Variants in TTLL8 observed in about 807,000 individuals in gnomAD.
TTLL8 encodes tubulin tyrosine ligase like 8.
A neutral mutation model predicts 77.8 loss-of-function variants in TTLL8; 65 were observed. That is an observed-to-expected ratio of 0.84 (90% CI 0.68 to 1.03). TTLL8 has a LOEUF of 1.03. TTLL8 is among the 50% of genes least tolerant of loss of function. The pLI is 0.00. For synonymous variants in TTLL8, 402 were observed against 422.8 expected, an observed-to-expected ratio of 0.95 and a Z score of 0.60; for missense variants, 910 against 1,004.5, an observed-to-expected ratio of 0.91 and a Z score of 1.27.
upstream of TTLL8, chr22:50,056,686 C>A (rs951327608): frequency 1.5e-5 from 14 of 910,024 alleles, no homozygotes; most frequent in Non-Finnish European, 1.6e-5. This position sits in a 1 kb window ranked among gnomAD's most constrained non-coding sequence, Gnocchi z 4.1. Context: ...GAGCCAGCGC[C>A]CCCCAACACC....
intron 1 of TTLL8, among the ~76,000 whole-genome samples, chr22:50,054,286 G>A (rs1276079008): frequency 6.6e-6 from 1 of 152,162 alleles, no homozygotes; most frequent in Non-Finnish European, 1.5e-5. Flanking sequence ...CAGACCTGGA[G>A]CCCTCAGCTC....
Position 50,041,471 on chromosome 22 carries a change from C to T in TTLL8, c.830+150G>A, listed in dbSNP as rs999802604. On this transcript the variant is annotated intron_variant, in intron 7 of 13. Transcript: ENST00000266182. This position sits in a 1 kb window ranked among gnomAD's most constrained non-coding sequence, Gnocchi z 4.3. ...CCAGACATCCAGACAGGAGCCCCAA[C>T]GCCAGGACAGGCATCTCAACACTCA... 1.9e-4 allele frequency: 223 copies of T among 1,194,826 alleles called. No homozygotes were observed. Among genetic ancestry groups the T allele is most frequent in the Non-Finnish European group, 2.3e-4 (211 of 936,576 alleles). The allele number at this position is 1,194,826 out of a possible 1,614,324, so 74.0% of individuals were successfully genotyped here.
chr22:50,043,259 GC>G (rs2061384124), intron 6 of TTLL8, among the ~76,000 whole-genome samples: 1 of 150,772 alleles, frequency 6.6e-6, no homozygotes. Flanking sequence ...AAACAGTGGT[GC>G]CGAGACGTCC....
At position 50,047,163 on chromosome 22, in the gene TTLL8, C is replaced by G. The variant is rs2061417686; in HGVS notation, c.393+5G>C. On this transcript the variant is annotated splice_donor_5th_base_variant and intron_variant, in intron 4 of 13. Coordinates refer to ENST00000266182, the Ensembl canonical transcript of TTLL8. ...TCCCGCCACGCTCAAGCGCGGCCGG[C>G]TCACCTTGGTGGTGAAGGAGGCTGT... 7.3e-7 allele frequency: 1 copy of G among 1,367,228 alleles called. No homozygotes were observed. Among genetic ancestry groups the G allele is most frequent in the Non-Finnish European group, 9.8e-7 (1 of 1,021,654 alleles). 84.7% of individuals were successfully genotyped at this position (1,367,228 alleles called of 1,614,324 possible). A position where few individuals can be genotyped will look rare whatever the true frequency, so the allele number is the denominator to read the frequency against.
chr22:50,021,041 G>GACA (rs1384163860), intron 12 of TTLL8, among the ~76,000 whole-genome samples: 1 of 94,658 alleles, frequency 1.1e-5, no homozygotes, highest in African/African-American at 3.6e-5. Flanking sequence ...TCCTCCATCT[G>GACA]ATGTGCACTC....
At chr22:50,033,860 C>T (rs1279985363) in intron 9 of TTLL8, among the ~76,000 whole-genome samples, 2 of 152,284 alleles carry the variant, frequency 1.3e-5, no homozygotes, top group Middle Eastern at 3.4e-3. Flanking sequence ...CATGGTGAAA[C>T]TCCATCTCTA....
chr22:50,035,086 T>A (rs1362507249), intron 8 of TTLL8, among the ~76,000 whole-genome samples: 3 of 151,964 alleles, frequency 2.0e-5, no homozygotes, highest in African/African-American at 7.3e-5. Flanking sequence ...CTTTTAGAGT[T>A]CGGGGGTGCA....
At chr22:50,058,106 C>A (rs2061496308), upstream of TTLL8, among the ~76,000 whole-genome samples, 1 of 151,636 alleles carries the variant, frequency 6.6e-6, no homozygotes, top group Non-Finnish European at 1.5e-5. The surrounding 1 kb of genome is among the most constrained non-coding windows in gnomAD (Gnocchi z 4.2). Flanking sequence ...TGTCCGGGAT[C>A]GGAAGCGCGG....
chr22:50,045,890 G>A (rs749817317), exon 5 of TTLL8: 2 of 1,359,716 alleles, frequency 1.5e-6, no homozygotes, highest in Admixed American at 1.9e-5. Context: ...CGGTGCAGAG[G>A]CTGTAGCAGC....
At chr22:50,035,683 G>A (rs2061331190) in intron 8 of TTLL8, among the ~76,000 whole-genome samples, 1 of 152,224 alleles carries the variant, frequency 6.6e-6, no homozygotes, top group Non-Finnish European at 1.5e-5. Flanking sequence ...GCACAGGTCA[G>A]TCCCCAACTA....
intron 5 of TTLL8, 36 bp downstream of exon 7, chr22:50,045,820 G>A (rs1160697381): frequency 7.7e-7 from 1 of 1,306,570 alleles, no homozygotes; most frequent in South Asian, 1.2e-5. Context: ...CCTCTCTGCT[G>A]ACAGCACTGG....
At position 50,044,615 on chromosome 22, in the gene TTLL8, A is replaced by G. The variant is rs1192328062; in HGVS notation, c.643+640T>C. Among the ~76,000 whole-genome samples the G allele has an allele frequency of 6.6e-6, 1 of 152,130 alleles. No individual in the cohort carries two copies. The highest frequency in any genetic ancestry group is 6.5e-5 in the Admixed American group (1 of 15,278). On this transcript the variant is annotated intron_variant, in intron 6 of 13. Coordinates refer to ENST00000266182, the Ensembl canonical transcript of TTLL8. This position sits in a 1 kb window ranked among gnomAD's most constrained non-coding sequence, Gnocchi z 4.2. ...ATCACCGTTTGCTCAAATACACTCT[A>G]AAAGTTTAATGCGCCAATGTTCATC...
At chr22:50,030,858 G>A in exon 12 of TTLL8, 1 of 1,335,988 alleles carries the variant, frequency 7.5e-7, no homozygotes, top group Non-Finnish European at 9.9e-7. Context: ...CTGCCTCCTG[G>A]CTCTCCTCAC....
At chr22:50,028,596 A>G (rs2061247652) in intron 12 of TTLL8, among the ~76,000 whole-genome samples, 1 of 145,374 alleles carries the variant, frequency 6.9e-6, no homozygotes, top group Admixed American at 6.9e-5. Flanking sequence ...TGCCCTCGTA[A>G]AGACCCCCAT....
At chr22:50,056,943 T>G (rs1347251420), upstream of TTLL8, 2 of 1,289,586 alleles carry the variant, frequency 1.6e-6, no homozygotes, top group Admixed American at 2.3e-5. The surrounding 1 kb of genome is among the most constrained non-coding windows in gnomAD (Gnocchi z 4.1). Flanking sequence ...CATACTGGCC[T>G]CCGACAGCTT....
At chr22:50,036,514 G>A (rs1010282) in intron 8 of TTLL8, among the ~76,000 whole-genome samples, 30,817 of 151,956 alleles carry the variant, frequency 0.2, 3,322 homozygotes, top group Admixed American at 0.32. Context: ...GACTATCACT[G>A]CAGACAGGGC....
Position 50,044,188 on chromosome 22 carries a change from T to A in TTLL8, c.643+1067A>T, listed in dbSNP as rs946392110. 2.0e-5 allele frequency among the ~76,000 whole-genome samples: 3 copies of A among 151,890 alleles called. No homozygotes were observed. Among genetic ancestry groups the A allele is most frequent in the Non-Finnish European group, 4.4e-5 (3 of 67,980 alleles). On this transcript the variant is annotated intron_variant, in intron 6 of 13. Transcript: ENST00000266182. The surrounding 1 kb of genome is among the most constrained non-coding windows in gnomAD (Gnocchi z 4.2). ...AAAAATACAAAACATTAGCCGGGCG[T>A]GGTGGTGGGCACCCAACTACTCGGG...
Position 50,041,771 on chromosome 22 carries a change from G to C in TTLL8, c.680C>G (p.Pro227Arg). 1 of 1,364,136 alleles carries C rather than the reference G, an allele frequency of 7.3e-7. No homozygotes were observed. The highest frequency in any genetic ancestry group is 9.8e-7 in the Non-Finnish European group (1 of 1,020,642). The allele number at this position is 1,364,136 out of a possible 1,614,324, so 84.5% of individuals were successfully genotyped here. A position where few individuals can be genotyped will look rare whatever the true frequency, so the allele number is the denominator to read the frequency against. Residue 227 changes from proline (P) to arginine (R), a missense_variant, in exon 7 of 14, where the codon CCG becomes CGG. Around this residue, in one of 2 missense-constraint regions of TTLL8, gnomAD observed 776 missense variants for 926.1 expected, o/e 0.84. Transcript: ENST00000266182. The surrounding 1 kb of genome is among the most constrained non-coding windows in gnomAD (Gnocchi z 4.3). ...GCACGCGATGTCCACAAGCTGCCCCGGGAGGCCCCTGAGCTTTGCCTCAGC... is the reference window on the plus strand; with the variant it reads ...GCACGCGATGTCCACAAGCTGCCCCCGGAGGCCCCTGAGCTTTGCCTCAGC...
intron 6 of TTLL8, among the ~76,000 whole-genome samples, chr22:50,042,977 C>T (rs137947234): frequency 3.3e-5 from 5 of 152,332 alleles, no homozygotes; most frequent in East Asian, 1.9e-4. Context: ...CCAGTAAGTG[C>T]GTTCCTTGGT....
Sources: gnomAD v4.1 joint callset for allele counts (sites outside exome capture counted in the v4.1 genomes callset) on GRCh38, gnomAD v4.1.1 for gene constraint, gnomAD v4.1.1 regional missense constraint, Gnocchi (gnomAD v3.1) non-coding constraint, MANE v1.5 for transcripts, NCBI Gene and HGNC (gene_info 2026-07-23, HGNC 2026-07-21) for gene names.